The following RBFOX1 variants were observed in gnomAD, a reference collection of about 807,000 sequenced individuals.
RBFOX1 encodes RNA binding protein fox-1 homolog 1.
Under a neutral mutation model 57.7 loss-of-function variants are expected in RBFOX1, and 8 were observed. The ratio of observed to expected loss-of-function variants is 0.14; its 90% CI spans 0.08 to 0.25. The LOEUF (loss-of-function observed/expected upper bound fraction) is 0.25, where lower values mean the gene tolerates loss of function less well. RBFOX1 is among the 10% of genes least tolerant of loss of function. The pLI, the probability that RBFOX1 is intolerant of heterozygous loss-of-function variation, is 1.00. For missense variants in RBFOX1, 611 were observed against 548.5 expected, an observed-to-expected ratio of 1.11 and a Z score of -1.14; for synonymous variants, 326 against 222.4, an observed-to-expected ratio of 1.47 and a Z score of -4.15.
chr16:6,030,042 C>T (rs1030919647), intron 1 of RBFOX1, among the ~76,000 whole-genome samples: 1 of 152,232 alleles, frequency 6.6e-6, no homozygotes, highest in Non-Finnish European at 1.5e-5. Flanking sequence ...TCTTGAGTAG[C>T]CAGGACCACA....
chr16:7,447,478 C>G (rs944454215), intron 4 of RBFOX1, among the ~76,000 whole-genome samples: 3 of 146,112 alleles, frequency 2.1e-5, no homozygotes, highest in Non-Finnish European at 4.5e-5. Context: ...TTCAAAATTA[C>G]TAGTGCAGAG....
chr16:6,763,552 C>G (rs949236784), intron 3 of RBFOX1, among the ~76,000 whole-genome samples: 3 of 152,162 alleles, frequency 2.0e-5, no homozygotes, highest in Admixed American at 2.0e-4. Context: ...ATGAGTTTTG[C>G]TTGGGGTTAT....
intron 4 of RBFOX1, among the ~76,000 whole-genome samples, chr16:7,067,910 G>A (rs1328542728): frequency 6.6e-6 from 1 of 150,814 alleles, no homozygotes; most frequent in Non-Finnish European, 1.5e-5. Context: ...GTATTTTACT[G>A]GGTGTGAGCT....
At chr16:6,889,737 T>G (rs557894401) in intron 3 of RBFOX1, among the ~76,000 whole-genome samples, 6 of 152,288 alleles carry the variant, frequency 3.9e-5, no homozygotes, top group Admixed American at 6.5e-5. Context: ...TTGTGTAATC[T>G]TGGAATAGAC....
chr16:7,526,125 C>T (rs1319180555), intron 5 of RBFOX1, among the ~76,000 whole-genome samples: 2 of 152,098 alleles, frequency 1.3e-5, no homozygotes, highest in Non-Finnish European at 2.9e-5. Flanking sequence ...ACTGTACATG[C>T]GAGGGATCTA....
intron 4 of RBFOX1, among the ~76,000 whole-genome samples, chr16:7,217,203 G>T (rs2092251128): frequency 6.6e-6 from 1 of 150,746 alleles, no homozygotes; most frequent in South Asian, 2.1e-4. Flanking sequence ...CTTCCGGATT[G>T]AAGAGATTCT....
At chr16:5,782,594 C>A (rs1216928185) in intron 3 of RBFOX1, among the ~76,000 whole-genome samples, 1 of 152,112 alleles carries the variant, frequency 6.6e-6, no homozygotes, top group Non-Finnish European at 1.5e-5. Flanking sequence ...ATATTGATTG[C>A]TTACTATGTT....
At chr16:5,244,017 C>T (rs1163890302) in intron 1 of RBFOX1, among the ~76,000 whole-genome samples, 2 of 152,128 alleles carry the variant, frequency 1.3e-5, no homozygotes, top group African/African-American at 4.8e-5. Flanking sequence ...CTGCCTCAGC[C>T]TCCGGAGTAG....
intron 3 of RBFOX1, among the ~76,000 whole-genome samples, chr16:5,846,644 T>C (rs891033125): frequency 6.6e-6 from 1 of 152,184 alleles, no homozygotes; most frequent in Non-Finnish European, 1.5e-5. Context: ...CCTGCTTCTC[T>C]CCACCACACT....
intron 2 of RBFOX1, among the ~76,000 whole-genome samples, chr16:5,524,756 GT>G (rs1455187002): frequency 6.6e-6 from 1 of 151,994 alleles, no homozygotes; most frequent in East Asian, 1.9e-4. Flanking sequence ...GGCCAGGCTG[GT>G]CTTGAACTCC....
intron 14 of RBFOX1, among the ~76,000 whole-genome samples, chr16:7,701,395 A>C (rs1336456858): frequency 1.3e-5 from 2 of 152,166 alleles, no homozygotes; most frequent in African/African-American, 4.8e-5. Context: ...GACCAGTGGC[A>C]GCATTAGATT....
chr16:6,600,564 T>G (rs906164651), intron 2 of RBFOX1, among the ~76,000 whole-genome samples: 3 of 152,156 alleles, frequency 2.0e-5, no homozygotes, highest in Non-Finnish European at 4.4e-5. Context: ...AAGATGTAAT[T>G]TACTACAAAA....
intron 4 of RBFOX1, among the ~76,000 whole-genome samples, chr16:7,161,964 C>T (rs1038538099): frequency 6.6e-5 from 10 of 152,186 alleles, no homozygotes; most frequent in African/African-American, 2.4e-4. Flanking sequence ...AGGCAATGAA[C>T]CACTAAAAAC....
chr16:6,266,687 C>G (rs183703596), intron 1 of RBFOX1, among the ~76,000 whole-genome samples: 158 of 151,216 alleles, frequency 1.0e-3, no homozygotes, highest in African/African-American at 3.2e-3. Context: ...GCACTCCAGC[C>G]TGGGTGACAG....
intron 4 of RBFOX1, among the ~76,000 whole-genome samples, chr16:7,137,971 T>G (rs935250938): frequency 6.6e-6 from 1 of 152,172 alleles, no homozygotes; most frequent in Non-Finnish European, 1.5e-5. Context: ...TTTCATGGTT[T>G]TACAGATGAG....
intron 1 of RBFOX1, among the ~76,000 whole-genome samples, chr16:6,165,563 T>C (rs1372313260): frequency 6.6e-6 from 1 of 152,218 alleles, no homozygotes; most frequent in Non-Finnish European, 1.5e-5. Context: ...GTTAGAATTT[T>C]CTCTGCTAAG....
chr16:5,436,301 G>T (rs1230404871), intron 1 of RBFOX1, among the ~76,000 whole-genome samples: 2 of 152,206 alleles, frequency 1.3e-5, no homozygotes, highest in African/African-American at 2.4e-5. Flanking sequence ...TGGTGCCCTT[G>T]GTTCCAAGTT....
At chr16:6,616,573 G>A (rs2098143780) in intron 2 of RBFOX1, among the ~76,000 whole-genome samples, 1 of 152,162 alleles carries the variant, frequency 6.6e-6, no homozygotes, top group Non-Finnish European at 1.5e-5. Context: ...GTACTCAGGA[G>A]GCTGAGGCAG....
At chr16:5,764,133 T>A (rs1296059853) in intron 3 of RBFOX1, among the ~76,000 whole-genome samples, 1 of 141,172 alleles carries the variant, frequency 7.1e-6, no homozygotes, top group Non-Finnish European at 1.6e-5. Context: ...ACCAGGAAGA[T>A]GCTGTGGGGC....
Sources: allele counts gnomAD v4.1 joint callset (sites outside exome capture counted in the v4.1 genomes callset), GRCh38; gene constraint gnomAD v4.1.1; transcripts MANE v1.5; gene names NCBI Gene and HGNC (gene_info 2026-07-23, HGNC 2026-07-21).